The following ADAM32 variants were observed in gnomAD, a reference collection of about 807,000 sequenced individuals.
The protein encoded by ADAM32 is ADAM metallopeptidase domain 32.
ADAM32 carries 89 observed loss-of-function variants against 114.9 expected under a neutral mutation model. The observed-to-expected ratio is 0.77, with a 90% confidence interval of 0.65 to 0.92. The LOEUF (loss-of-function observed/expected upper bound fraction) is 0.92. Among genes scored for constraint, ADAM32 ranks in the 40% least tolerant of loss-of-function variants. ADAM32 has a pLI of 0.00. For missense variants in ADAM32, 870 were observed against 932.8 expected, an observed-to-expected ratio of 0.93 and a Z score of 0.88; for synonymous variants, 285 against 307.5, an observed-to-expected ratio of 0.93 and a Z score of 0.77.
chr8:39,199,691 A>G (rs968459542), intron 11 of ADAM32, among the ~76,000 whole-genome samples: 8 of 152,030 alleles, frequency 5.3e-5, no homozygotes, highest in Non-Finnish European at 8.8e-5. Context: ...TTACATATGT[A>G]TACATGTGCC....
Position 39,151,480 on chromosome 8 carries a change from AT to A in ADAM32, c.459del (p.Ile153MetfsTer9). 6.2e-7 allele frequency: 1 copy of A among 1,601,774 alleles called. No homozygotes were observed. The highest frequency in any genetic ancestry group is 2.3e-5 in the East Asian group (1 of 44,292). On this transcript the variant is annotated frameshift_variant, in exon 6 of 25. Transcript: ENST00000379907. LOFTEE classifies it high-confidence loss of function. Reference protein sequence around the residue: ...LYKLKNEDNDIAIFIDRSLKE... With the variant: ...LYKLKNEDNDXAIFIDRSLKE... ...CAAATTAAAGAATGAAGACAATGAT[AT>A]TGCAATTTTTATTGACAGAAGCCTG...
intron 1 of ADAM32, among the ~76,000 whole-genome samples, chr8:39,115,338 C>T (rs971980090): frequency 2.0e-5 from 3 of 152,128 alleles, no homozygotes; most frequent in African/African-American, 7.2e-5. Flanking sequence ...TGAGAAATCA[C>T]ACTGCTTTCC....
intron 11 of ADAM32, among the ~76,000 whole-genome samples, chr8:39,200,574 G>T (rs201945557): frequency 6.6e-6 from 1 of 152,116 alleles, no homozygotes; most frequent in Non-Finnish European, 1.5e-5. Flanking sequence ...TCTGTAGGTT[G>T]CCTCTTCACT....
chr8:39,263,982 A>T (rs1039781187), intron 19 of ADAM32, among the ~76,000 whole-genome samples: 5 of 152,232 alleles, frequency 3.3e-5, no homozygotes, highest in Non-Finnish European at 7.3e-5. Context: ...AGTAACACCC[A>T]TTAAACCATC....
intron 16 of ADAM32, among the ~76,000 whole-genome samples, chr8:39,235,377 AG>A (rs1185326896): frequency 5.3e-5 from 8 of 152,158 alleles, no homozygotes; most frequent in African/African-American, 1.7e-4. Flanking sequence ...GTATAAATAA[AG>A]CTTACTGTAG....
chr8:39,255,366 T>G (rs1811589489), intron 18 of ADAM32, among the ~76,000 whole-genome samples: 1 of 152,012 alleles, frequency 6.6e-6, no homozygotes, highest in African/African-American at 2.4e-5. Context: ...GTGCTCCCCT[T>G]TAAGCACATC....
chr8:39,284,244 G>T (rs1463294313), intron 24 of ADAM32, among the ~76,000 whole-genome samples: 1 of 152,096 alleles, frequency 6.6e-6, no homozygotes, highest in Non-Finnish European at 1.5e-5. Flanking sequence ...TGTAAGATCT[G>T]TAAATTTGTT....
chr8:39,163,439 C>G (rs13439327), intron 7 of ADAM32, among the ~76,000 whole-genome samples: 37,528 of 145,498 alleles, frequency 0.26, 5,011 homozygotes, highest in Non-Finnish European at 0.29. Flanking sequence ...GTGTAGGGAC[C>G]AGATTGCTGG....
At chr8:39,273,124 C>T (rs868023145) in intron 20 of ADAM32, among the ~76,000 whole-genome samples, 7 of 152,126 alleles carry the variant, frequency 4.6e-5, no homozygotes, top group Admixed American at 1.3e-4. Flanking sequence ...CTTCTGGATT[C>T]GTCTTGAAGG....
At chr8:39,277,009 C>A (rs777990860) in intron 22 of ADAM32, among the ~76,000 whole-genome samples, 4 of 152,038 alleles carry the variant, frequency 2.6e-5, no homozygotes, top group Admixed American at 2.0e-4. Context: ...CACACAGAGG[C>A]AACCAAACCA....
At chr8:39,271,049 T>C (rs1211496901) in intron 20 of ADAM32, 135 bp downstream of exon 20, 3 of 688,640 alleles carry the variant, frequency 4.4e-6, no homozygotes, top group Middle Eastern at 2.7e-4. Flanking sequence ...TGCTAATATA[T>C]AGTCTAATTT....
intron 20 of ADAM32, 63 bp from the exon 21 acceptor site, chr8:39,274,249 A>G: frequency 6.7e-7 from 1 of 1,497,860 alleles, no homozygotes; most frequent in Non-Finnish European, 9.3e-7. Context: ...CCTGATTTTC[A>G]TTCATGAAGT....
intron 11 of ADAM32, among the ~76,000 whole-genome samples, chr8:39,206,799 G>A (rs1181671600): frequency 6.6e-6 from 1 of 152,118 alleles, no homozygotes; most frequent in Non-Finnish European, 1.5e-5. Flanking sequence ...GGGATGATAG[G>A]GATGTGGAGA....
intron 12 of ADAM32, among the ~76,000 whole-genome samples, chr8:39,212,305 C>T (rs1808279626): frequency 6.6e-6 from 1 of 152,106 alleles, no homozygotes; most frequent in Non-Finnish European, 1.5e-5. Context: ...TGAGCTACCA[C>T]ACCTGGTTCT....
At chr8:39,277,596 G>A (rs1293433214) in intron 22 of ADAM32, among the ~76,000 whole-genome samples, 1 of 152,198 alleles carries the variant, frequency 6.6e-6, no homozygotes, top group Non-Finnish European at 1.5e-5. Flanking sequence ...GGTGAACGAG[G>A]TGGGAGCTGC....
chr8:39,128,753 G>A (rs752000835), intron 2 of ADAM32, among the ~76,000 whole-genome samples: 3 of 152,072 alleles, frequency 2.0e-5, no homozygotes, highest in Non-Finnish European at 4.4e-5. Flanking sequence ...GGAAAGAATC[G>A]TATTTCTCCT....
At chr8:39,109,553 A>G (rs1375145866) in intron 1 of ADAM32, among the ~76,000 whole-genome samples, 5 of 151,912 alleles carry the variant, frequency 3.3e-5, no homozygotes, top group Admixed American at 3.3e-4. Flanking sequence ...ATCTCAAAAA[A>G]TAAAATAAAA....
At chr8:39,173,012 C>T in intron 10 of ADAM32, among the ~76,000 whole-genome samples, 1 of 152,336 alleles carries the variant, frequency 6.6e-6, no homozygotes, top group East Asian at 1.9e-4. Flanking sequence ...ATAATCCCAG[C>T]ATTCTGGGAG....
chr8:39,149,055 G>T (rs1354125884), intron 4 of ADAM32, among the ~76,000 whole-genome samples: 1 of 152,098 alleles, frequency 6.6e-6, no homozygotes, highest in Non-Finnish European at 1.5e-5. Flanking sequence ...ATAGTATTTT[G>T]CATATGTTAA....
Sources: allele counts gnomAD v4.1 joint callset (sites outside exome capture counted in the v4.1 genomes callset), GRCh38; gene constraint gnomAD v4.1.1; transcripts MANE v1.5; gene names NCBI Gene and HGNC (gene_info 2026-07-23, HGNC 2026-07-21).